The following MDGA2 variants were observed in gnomAD, a reference collection of about 807,000 sequenced individuals.
MDGA2 encodes the protein MAM domain containing glycosylphosphatidylinositol anchor 2, also known as MAM domain-containing glycosylphosphatidylinositol anchor protein 2.
MDGA2 carries 40 observed loss-of-function variants against 117.8 expected under a neutral mutation model. The observed-to-expected ratio is 0.34, with a 90% CI of 0.26 to 0.44. The LOEUF is 0.44. Ranked by LOEUF, MDGA2 falls within the 20% of genes least tolerant of loss-of-function variation. The pLI, the probability that MDGA2 is intolerant of heterozygous loss-of-function variation, is 1.00. For missense variants in MDGA2, 1,123 were observed against 1,250.6 expected, an observed-to-expected ratio of 0.90 and a Z score of 1.54; for synonymous variants, 452 against 439.0, an observed-to-expected ratio of 1.03 and a Z score of -0.37.
At chr14:46,853,431 T>C (rs915228223) in intron 15 of MDGA2, among the ~76,000 whole-genome samples, 3 of 151,702 alleles carry the variant, frequency 2.0e-5, no homozygotes, top group Non-Finnish European at 4.4e-5. Flanking sequence ...ACAAAGCACA[T>C]ATAGAAGGAA....
At position 47,592,417 on chromosome 14, in the gene MDGA2, A is replaced by G. The variant is rs539852524; in HGVS notation, c.280+82100T>C. Among the ~76,000 whole-genome samples the G allele has an allele frequency of 5.1e-4, 77 of 152,290 alleles. 1 individual carries two copies. Among genetic ancestry groups the G allele is most frequent in the Non-Finnish European group, 8.2e-4 (56 of 68,008 alleles). On this transcript the variant is annotated intron_variant, in intron 1 of 16. Coordinates refer to ENST00000399232, the MANE Select transcript of MDGA2 (RefSeq NM_001113498.3). ...TAAAATTCATACAGAACCAAAACAG[A>G]GCCTGTATAGCCAAGACAATCCTAA...
chr14:46,848,647 T>TAA (rs71112463), intron 15 of MDGA2, among the ~76,000 whole-genome samples: 1 of 129,748 alleles, frequency 7.7e-6, no homozygotes, highest in Non-Finnish European at 1.6e-5. Context: ...AGGCTTGTGC[T>TAA]AAAAAAAAAA....
chr14:47,329,540 T>C (rs966856717), intron 1 of MDGA2, among the ~76,000 whole-genome samples: 1 of 152,080 alleles, frequency 6.6e-6, no homozygotes, highest in African/African-American at 2.4e-5. Flanking sequence ...CGCTTTTCTG[T>C]AAGATTCCAG....
At chr14:47,427,972 G>A (rs1892725072) in intron 1 of MDGA2, among the ~76,000 whole-genome samples, 1 of 152,146 alleles carries the variant, frequency 6.6e-6, no homozygotes, top group Non-Finnish European at 1.5e-5. Flanking sequence ...AAATTCCTAA[G>A]AAAGATAAAT....
intron 2 of MDGA2, among the ~76,000 whole-genome samples, chr14:47,237,497 G>C (rs975652290): frequency 3.3e-5 from 5 of 152,074 alleles, no homozygotes; most frequent in South Asian, 2.1e-4. Flanking sequence ...TCACTGAAAT[G>C]GGGCAAAATG....
intron 8 of MDGA2, among the ~76,000 whole-genome samples, chr14:46,982,280 A>G (rs1203390933): frequency 1.3e-5 from 2 of 152,208 alleles, no homozygotes; most frequent in Non-Finnish European, 2.9e-5. Flanking sequence ...ATAAATTATT[A>G]AAATAGTATT....
At chr14:47,267,982 C>T (rs1888020676) in intron 2 of MDGA2, among the ~76,000 whole-genome samples, 1 of 152,030 alleles carries the variant, frequency 6.6e-6, no homozygotes, top group African/African-American at 2.4e-5. Flanking sequence ...GAGTTTTAAA[C>T]ATTATTTTGT....
At chr14:47,607,034 T>C (rs897582673) in intron 1 of MDGA2, among the ~76,000 whole-genome samples, 1 of 152,170 alleles carries the variant, frequency 6.6e-6, no homozygotes, top group Non-Finnish European at 1.5e-5. Flanking sequence ...TTTAAAAAAT[T>C]TGCACTATTG....
intron 2 of MDGA2, among the ~76,000 whole-genome samples, chr14:47,257,551 T>C (rs948231716): frequency 3.3e-5 from 5 of 152,192 alleles, no homozygotes; most frequent in Admixed American, 6.6e-5. Flanking sequence ...AGGACAGGAA[T>C]TGGCATCATT....
At chr14:47,506,791 G>A (rs977594436) in intron 1 of MDGA2, among the ~76,000 whole-genome samples, 3 of 152,158 alleles carry the variant, frequency 2.0e-5, no homozygotes, top group African/African-American at 7.2e-5. Flanking sequence ...GAGGCGGGAG[G>A]ATCATTTGAG....
chr14:46,912,319 T>C (rs967413369), intron 10 of MDGA2, among the ~76,000 whole-genome samples: 11 of 152,304 alleles, frequency 7.2e-5, no homozygotes, highest in African/African-American at 2.6e-4. Context: ...AAGATTTTTC[T>C]ACCCTGCAGT....
intron 1 of MDGA2, among the ~76,000 whole-genome samples, chr14:47,434,399 A>G (rs1892857786): frequency 6.6e-6 from 1 of 152,126 alleles, no homozygotes; most frequent in Non-Finnish European, 1.5e-5. Context: ...TAGAACTAGG[A>G]TAATTTGTAG....
chr14:47,636,099 A>G (rs1163265049), intron 1 of MDGA2, among the ~76,000 whole-genome samples: 2 of 152,154 alleles, frequency 1.3e-5, no homozygotes, highest in African/African-American at 4.8e-5. Flanking sequence ...CTTGCCAGTA[A>G]AGGACAAATA....
intron 3 of MDGA2, among the ~76,000 whole-genome samples, chr14:47,161,791 T>C (rs566710784): frequency 4.5e-4 from 69 of 152,026 alleles, no homozygotes; most frequent in Middle Eastern, 3.4e-3. Context: ...TCAACTCTTA[T>C]ATTTTGTTTT....
intron 8 of MDGA2, among the ~76,000 whole-genome samples, chr14:46,959,880 C>A (rs1260037833): frequency 6.6e-6 from 1 of 152,248 alleles, no homozygotes; most frequent in Non-Finnish European, 1.5e-5. Context: ...TATTCTCATT[C>A]TAACGTGTTA....
intron 1 of MDGA2, among the ~76,000 whole-genome samples, chr14:47,369,995 C>G (rs909966245): frequency 6.6e-6 from 1 of 151,736 alleles, no homozygotes; most frequent in Non-Finnish European, 1.5e-5. Context: ...CTTATTCAGC[C>G]ATCTTTTTAA....
At chr14:46,938,540 CAAA>C (rs71112472) in intron 9 of MDGA2, among the ~76,000 whole-genome samples, 53 of 26,992 alleles carry the variant, frequency 2.0e-3, no homozygotes, top group African/African-American at 4.6e-3. Flanking sequence ...AAATCCATCT[CAAA>C]AAAAAAAAAA....
At chr14:46,986,767 A>C (rs541876554) in intron 8 of MDGA2, among the ~76,000 whole-genome samples, 1 of 152,234 alleles carries the variant, frequency 6.6e-6, no homozygotes, top group South Asian at 2.1e-4. Flanking sequence ...CCTAGGACTG[A>C]TTTAATTATT....
chr14:46,852,966 C>T (rs189323987), intron 15 of MDGA2, among the ~76,000 whole-genome samples: 7 of 151,750 alleles, frequency 4.6e-5, no homozygotes, highest in East Asian at 1.9e-4. Flanking sequence ...AAAAAAATAA[C>T]GAAAACAGTG....
Sources: allele counts gnomAD v4.1 joint callset (sites outside exome capture counted in the v4.1 genomes callset), GRCh38; gene constraint gnomAD v4.1.1; transcripts MANE v1.5; gene names NCBI Gene and HGNC (gene_info 2026-07-23, HGNC 2026-07-21).